The following LRRTM4 variants were observed in gnomAD, a reference collection of about 807,000 sequenced individuals.
LRRTM4 encodes the protein leucine rich repeat transmembrane neuronal 4, also known as leucine-rich repeat transmembrane neuronal protein 4.
Under a neutral mutation model 47.6 loss-of-function variants are expected in LRRTM4, and 25 were observed. The observed-to-expected ratio is 0.53, with a 90% CI of 0.38 to 0.73. The LOEUF is 0.73. Ranked by LOEUF, LRRTM4 falls within the 30% of genes least tolerant of loss-of-function variation. The probability of loss-of-function intolerance (pLI) is 0.00; values close to 1 mark genes in which losing one functional copy is unlikely to be tolerated. For missense variants in LRRTM4, 638 were observed against 713.4 expected (o/e 0.89, Z 1.20); for synonymous variants, 311 against 269.5 (o/e 1.15, Z -1.51).
chr2:77,154,683 A>G (rs1672513005), intron 3 of LRRTM4, among the ~76,000 whole-genome samples: 1 of 152,160 alleles, frequency 6.6e-6, no homozygotes, highest in South Asian at 2.1e-4. Flanking sequence ...AAGAATATTT[A>G]GCATAAAATT....
chr2:77,417,538 T>C lies in LRRTM4; in HGVS notation c.1551+100780A>G, dbSNP rs573877237. On this transcript the variant is annotated intron_variant, in intron 3 of 3. Coordinates refer to ENST00000409884, the MANE Select transcript of LRRTM4 (RefSeq NM_001134745.3). ...CTGGATTAAGAAAATGTGGCACATATACACCATGGAACACTATGCAGCCAT... is the reference window on the plus strand; with the variant it reads ...CTGGATTAAGAAAATGTGGCACATACACACCATGGAACACTATGCAGCCAT... 4.6e-5 allele frequency among the ~76,000 whole-genome samples: 7 copies of C among 152,264 alleles called. 1 individual carries two copies. The South Asian group carries it at 1.5e-3, about 32-fold the overall frequency.
intron 3 of LRRTM4, among the ~76,000 whole-genome samples, chr2:76,850,760 A>G (rs1449126013): frequency 6.6e-6 from 1 of 152,152 alleles, no homozygotes; most frequent in Admixed American, 6.6e-5. Context: ...ATCCAATATA[A>G]TATACAGAAT....
At chr2:76,881,307 A>C (rs1672921804) in intron 3 of LRRTM4, among the ~76,000 whole-genome samples, 1 of 152,132 alleles carries the variant, frequency 6.6e-6, no homozygotes, top group African/African-American at 2.4e-5. Flanking sequence ...TTAGACATTC[A>C]ACAATTCACA....
At chr2:76,974,692 G>T (rs1676358833) in intron 3 of LRRTM4, among the ~76,000 whole-genome samples, 1 of 151,604 alleles carries the variant, frequency 6.6e-6, no homozygotes. Context: ...GAGAAAAATT[G>T]TGAAATTTGA....
chr2:77,375,464 T>C (rs1378138596), intron 3 of LRRTM4, among the ~76,000 whole-genome samples: 1 of 151,764 alleles, frequency 6.6e-6, no homozygotes, highest in Non-Finnish European at 1.5e-5. Context: ...TAACATGAGA[T>C]ATACTCTCTT....
chr2:76,774,955 G>A (rs72919611), intron 3 of LRRTM4, among the ~76,000 whole-genome samples: 2,097 of 152,182 alleles, frequency 0.014, 50 homozygotes, highest in African/African-American at 0.046. Context: ...GTCTTCTTCC[G>A]TAGCAGGTAC....
intron 3 of LRRTM4, among the ~76,000 whole-genome samples, chr2:77,114,691 A>T (rs1250503098): frequency 6.6e-6 from 1 of 152,092 alleles, no homozygotes; most frequent in African/African-American, 2.4e-5. Context: ...AAAGAGAGAA[A>T]TTTTACAGCT....
chr2:76,802,121 G>A (rs142244713), intron 3 of LRRTM4, among the ~76,000 whole-genome samples: 15 of 151,752 alleles, frequency 9.9e-5, no homozygotes, highest in South Asian at 8.3e-4. Context: ...GTCCTAGCCC[G>A]AGCAATTAGG....
intron 3 of LRRTM4, among the ~76,000 whole-genome samples, chr2:77,138,118 A>G (rs1341735219): frequency 1.3e-5 from 2 of 152,220 alleles, no homozygotes; most frequent in African/African-American, 4.8e-5. Flanking sequence ...CTCTGCACCA[A>G]GTGGAACTAA....
intron 3 of LRRTM4, among the ~76,000 whole-genome samples, chr2:77,001,289 C>G (rs1260927094): frequency 1.3e-5 from 2 of 152,088 alleles, no homozygotes; most frequent in Admixed American, 1.3e-4. Context: ...CTTGTGAATT[C>G]TGATTATTGT....
At chr2:77,029,846 C>A (rs1479823567) in intron 3 of LRRTM4, among the ~76,000 whole-genome samples, 1 of 152,088 alleles carries the variant, frequency 6.6e-6, no homozygotes, top group Non-Finnish European at 1.5e-5. Flanking sequence ...ACATCAATGA[C>A]AATGAAGCAG....
intron 3 of LRRTM4, among the ~76,000 whole-genome samples, chr2:77,405,179 A>G (rs1438566643): frequency 6.6e-6 from 1 of 152,138 alleles, no homozygotes; most frequent in East Asian, 1.9e-4. Context: ...GCTTCCACTT[A>G]TCAGTCTCAC....
At chr2:76,903,181 C>G (rs1357857646) in intron 3 of LRRTM4, among the ~76,000 whole-genome samples, 1 of 151,962 alleles carries the variant, frequency 6.6e-6, no homozygotes, top group Non-Finnish European at 1.5e-5. Context: ...ATCATCCTGG[C>G]TAACACAGTG....
At chr2:77,278,793 T>A (rs1676433787) in intron 3 of LRRTM4, among the ~76,000 whole-genome samples, 1 of 152,008 alleles carries the variant, frequency 6.6e-6, no homozygotes, top group African/African-American at 2.4e-5. Flanking sequence ...TACCACTTTC[T>A]GACTTGTTAT....
intron 3 of LRRTM4, among the ~76,000 whole-genome samples, chr2:77,183,866 G>A (rs1043687539): frequency 2.0e-5 from 3 of 152,078 alleles, no homozygotes; most frequent in East Asian, 1.9e-4. Flanking sequence ...CTGACTCATA[G>A]GTGGGAATTG....
chr2:77,234,330 G>C (rs929542053), intron 3 of LRRTM4, among the ~76,000 whole-genome samples: 1 of 152,130 alleles, frequency 6.6e-6, no homozygotes. Context: ...TAAAGGGGTT[G>C]ATTTAACTCC....
At chr2:76,895,256 A>G (rs1673375210) in intron 3 of LRRTM4, among the ~76,000 whole-genome samples, 1 of 152,054 alleles carries the variant, frequency 6.6e-6, no homozygotes, top group Non-Finnish European at 1.5e-5. Flanking sequence ...AAAGTGCTTC[A>G]TATTCAAATA....
intron 3 of LRRTM4, among the ~76,000 whole-genome samples, chr2:76,947,794 T>C (rs577883240): frequency 1.3e-5 from 2 of 151,960 alleles, no homozygotes; most frequent in East Asian, 3.9e-4. Context: ...CATTTATACT[T>C]GACATTGAAA....
At chr2:77,092,465 G>T (rs915454639) in intron 3 of LRRTM4, among the ~76,000 whole-genome samples, 3 of 142,000 alleles carry the variant, frequency 2.1e-5, no homozygotes, top group Non-Finnish European at 4.4e-5. Flanking sequence ...CCTTTCCCTC[G>T]TGGAAATCTA....
Sources: allele counts gnomAD v4.1 joint callset (sites outside exome capture counted in the v4.1 genomes callset), GRCh38; gene constraint gnomAD v4.1.1; transcripts MANE v1.5; gene names NCBI Gene and HGNC (gene_info 2026-07-23, HGNC 2026-07-21).